RPH3A: variants seen among roughly 807,000 people sequenced by gnomAD.
RPH3A encodes the protein rabphilin 3A, also known as rabphilin-3A.
A neutral mutation model predicts 102.2 loss-of-function variants in RPH3A; 48 were observed. That is an observed-to-expected ratio of 0.47 (90% CI 0.37 to 0.60). The LOEUF (loss-of-function observed/expected upper bound fraction) is 0.60, where lower values mean the gene tolerates loss of function less well. Ranked by LOEUF, RPH3A falls within the 20% of genes least tolerant of loss-of-function variation. The pLI, the probability that RPH3A is intolerant of heterozygous loss-of-function variation, is 0.00. For missense variants in RPH3A, 781 were observed against 910.1 expected (o/e 0.86, Z 1.83); for synonymous variants, 310 against 324.3 (o/e 0.96, Z 0.47).
chr12:112,608,996 C>T (rs895931945), intron 1 of RPH3A, among the ~76,000 whole-genome samples: 1 of 152,160 alleles, frequency 6.6e-6, no homozygotes, highest in African/African-American at 2.4e-5. Context: ...TTTAGTCATA[C>T]TAGCCACGTT....
At chr12:112,717,095 A>T (rs963392867) in intron 1 of RPH3A, among the ~76,000 whole-genome samples, 8 of 152,216 alleles carry the variant, frequency 5.3e-5, no homozygotes, top group South Asian at 2.1e-4. Context: ...GGCTCACAGA[A>T]GTATTTTAAG....
At chr12:112,685,014 T>C (rs1175640830) in intron 1 of RPH3A, among the ~76,000 whole-genome samples, 2 of 152,208 alleles carry the variant, frequency 1.3e-5, no homozygotes, top group Non-Finnish European at 2.9e-5. Flanking sequence ...GGCATGATCA[T>C]GGCCCAGGCT....
Position 112,896,969 on chromosome 12 carries a change from T to G in RPH3A, c.*189T>G. Reference sequence around the variant, plus strand: ...GACTCCCTCCTCCCTGATGCTGGGATGTGGGCTCTGAATACAGCCCCTCTC... The same window carrying G: ...GACTCCCTCCTCCCTGATGCTGGGAGGTGGGCTCTGAATACAGCCCCTCTC... On this transcript the variant is annotated 3_prime_UTR_variant, in exon 22 of 22. Coordinates refer to ENST00000389385, the MANE Select transcript of RPH3A (RefSeq NM_001143854.2). 1 of 595,908 alleles carries G rather than the reference T, an allele frequency of 1.7e-6. No homozygotes were observed. The highest frequency in any genetic ancestry group is 2.9e-6 in the Non-Finnish European group (1 of 339,970). 36.9% of individuals were successfully genotyped at this position (595,908 alleles called of 1,614,324 possible).
intron 1 of RPH3A, among the ~76,000 whole-genome samples, chr12:112,631,540 G>T (rs2039805223): frequency 6.6e-6 from 1 of 151,660 alleles, no homozygotes; most frequent in Non-Finnish European, 1.5e-5. Context: ...TTTGAGACAG[G>T]GTCTCTGTCT....
intron 5 of RPH3A, among the ~76,000 whole-genome samples, chr12:112,851,603 G>T (rs2042323960): frequency 1.3e-5 from 2 of 152,158 alleles, no homozygotes; most frequent in Admixed American, 1.3e-4. Flanking sequence ...GCAAGGGTTA[G>T]CTGTCCCAGG....
intron 1 of RPH3A, among the ~76,000 whole-genome samples, chr12:112,652,392 G>T (rs2039980894): frequency 6.6e-6 from 1 of 152,116 alleles, no homozygotes; most frequent in South Asian, 2.1e-4. Flanking sequence ...TGGGAGGATT[G>T]CTTGTGCCCA....
At chr12:112,823,038 T>A (rs2041807397) in intron 2 of RPH3A, among the ~76,000 whole-genome samples, 1 of 152,184 alleles carries the variant, frequency 6.6e-6, no homozygotes, top group African/African-American at 2.4e-5. Flanking sequence ...CAGGGCTGGA[T>A]TTAAGCCACT....
chr12:112,640,419 T>C (rs1216488849), intron 1 of RPH3A, among the ~76,000 whole-genome samples: 1 of 138,674 alleles, frequency 7.2e-6, no homozygotes, highest in Non-Finnish European at 1.5e-5. Flanking sequence ...CTACACAGTC[T>C]CTAATAACTA....
At chr12:112,773,200 T>C (rs2040939942) in intron 1 of RPH3A, among the ~76,000 whole-genome samples, 1 of 152,234 alleles carries the variant, frequency 6.6e-6, no homozygotes, top group South Asian at 2.1e-4. Flanking sequence ...GCATTTGGGT[T>C]GGTTCCATGA....
intron 1 of RPH3A, among the ~76,000 whole-genome samples, chr12:112,600,670 G>A (rs373922874): frequency 1.8e-4 from 28 of 152,100 alleles, no homozygotes; most frequent in East Asian, 1.2e-3. Context: ...ACTTTCCCAC[G>A]TCTTCCTTCT....
intron 1 of RPH3A, among the ~76,000 whole-genome samples, chr12:112,584,781 G>C (rs770287905): frequency 3.3e-5 from 5 of 152,220 alleles, no homozygotes; most frequent in Admixed American, 2.0e-4. Context: ...ATTATTGTTT[G>C]AGGCTTTGAA....
At chr12:112,725,834 T>C (rs12315338) in intron 1 of RPH3A, among the ~76,000 whole-genome samples, 115,606 of 151,028 alleles carry the variant, frequency 0.77, 45,170 homozygotes, top group African/African-American at 0.92. Flanking sequence ...CTTGCTCTGT[T>C]GCCCAGGCTG....
At chr12:112,721,222 A>G (rs2040547875) in intron 1 of RPH3A, among the ~76,000 whole-genome samples, 1 of 152,212 alleles carries the variant, frequency 6.6e-6, no homozygotes, top group African/African-American at 2.4e-5. Context: ...GTGGATATGA[A>G]CTAGACATCT....
intron 1 of RPH3A, among the ~76,000 whole-genome samples, chr12:112,681,717 G>T (rs1428237332): frequency 6.6e-6 from 1 of 152,156 alleles, no homozygotes; most frequent in Non-Finnish European, 1.5e-5. Context: ...AGTTCAGAAA[G>T]ATCCAAAGAA....
chr12:112,819,745 G>A (rs1565899238), intron 2 of RPH3A, among the ~76,000 whole-genome samples: 1 of 152,242 alleles, frequency 6.6e-6, no homozygotes, highest in South Asian at 2.1e-4. Context: ...GGACTGGCTG[G>A]TGTGTGACAG....
At chr12:112,634,968 A>T (rs2039838125) in intron 1 of RPH3A, among the ~76,000 whole-genome samples, 1 of 152,206 alleles carries the variant, frequency 6.6e-6, no homozygotes, top group Non-Finnish European at 1.5e-5. Context: ...CCTTTCTGCA[A>T]GTATTGGTTT....
intron 5 of RPH3A, among the ~76,000 whole-genome samples, chr12:112,858,289 A>AAAAAAAAAAG (rs1565923760): frequency 6.8e-6 from 1 of 147,362 alleles, no homozygotes; most frequent in Non-Finnish European, 1.5e-5. Context: ...AAAAAAAAAA[A>AAAAAAAAAAG]AAAAAGAAAA....
At chr12:112,866,499 G>A (rs2042613726) in intron 6 of RPH3A, among the ~76,000 whole-genome samples, 1 of 152,164 alleles carries the variant, frequency 6.6e-6, no homozygotes, top group African/African-American at 2.4e-5. Flanking sequence ...TCTCCCCAGT[G>A]TGGATGATGA....
intron 2 of RPH3A, among the ~76,000 whole-genome samples, chr12:112,799,078 G>A (rs969370390): frequency 6.6e-6 from 1 of 152,176 alleles, no homozygotes; most frequent in African/African-American, 2.4e-5. Flanking sequence ...CTGGGATATA[G>A]GACTTTGTGT....
Sources: gnomAD v4.1 joint callset for allele counts (sites outside exome capture counted in the v4.1 genomes callset) on GRCh38, gnomAD v4.1.1 for gene constraint, MANE v1.5 for transcripts, NCBI Gene and HGNC (gene_info 2026-07-23, HGNC 2026-07-21) for gene names.